Variants in MYH14 observed in about 807,000 individuals in gnomAD.
The protein encoded by MYH14 is myosin heavy chain 14, also known as myosin-14.
MYH14 carries 123 observed loss-of-function variants against 255.5 expected under a neutral mutation model. That is an observed-to-expected ratio of 0.48 (90% CI 0.42 to 0.56). MYH14 has a LOEUF of 0.56. Among genes scored for constraint, MYH14 ranks in the 20% least tolerant of loss-of-function variants. MYH14 has a pLI of 0.00. For missense variants in MYH14, 2,423 were observed against 2,802.3 expected, an observed-to-expected ratio of 0.86 and a Z score of 3.06; for synonymous variants, 1,095 against 1,161.2, an observed-to-expected ratio of 0.94 and a Z score of 1.16.
chr19:50,301,027 T>A (rs1198023648), intron 39 of MYH14, among the ~76,000 whole-genome samples: 1 of 152,034 alleles, frequency 6.6e-6, no homozygotes, highest in Non-Finnish European at 1.5e-5. Context: ...AAATAAAGTA[T>A]GAATCAGACT....
chr19:50,306,175 G>C (rs538912637), intron 40 of MYH14, among the ~76,000 whole-genome samples: 2 of 152,306 alleles, frequency 1.3e-5, no homozygotes, highest in South Asian at 4.1e-4. Context: ...CTGCTCGGGA[G>C]GCTGAGGCAG....
intron 10 of MYH14, among the ~76,000 whole-genome samples, chr19:50,242,551 T>C (rs2033932147): frequency 6.6e-6 from 1 of 152,118 alleles, no homozygotes. Flanking sequence ...TTCAGTTACC[T>C]CCCACTGGGT....
At chr19:50,239,341 G>A (rs1292313794) in intron 10 of MYH14, among the ~76,000 whole-genome samples, 4 of 151,834 alleles carry the variant, frequency 2.6e-5, no homozygotes, top group Non-Finnish European at 5.9e-5. Context: ...TTTTTTCCTG[G>A]TCATCCATCT....
chr19:50,281,851 C>T lies in MYH14; in HGVS notation c.4539+9C>T, dbSNP rs1355874079. 1.2e-6 allele frequency: 2 copies of T among 1,605,848 alleles called. No homozygotes were observed. The highest frequency in any genetic ancestry group is 3.3e-5 in the Admixed American group (2 of 59,772). ...AGCGCAAGTTTGACCAGGTGGGGCA[C>T]CTCAGTTCACCCAGCCGGGGAATCA... On this transcript the variant is annotated intron_variant, in intron 33 of 42. Transcript: ENST00000642316.
At chr19:50,214,074 C>T (rs930147019) in intron 2 of MYH14, among the ~76,000 whole-genome samples, 1 of 152,186 alleles carries the variant, frequency 6.6e-6, no homozygotes, top group African/African-American at 2.4e-5. Context: ...ATCCTCTTGC[C>T]TGGGCCTCTC....
Position 50,257,456 on chromosome 19 carries a change from C to G in MYH14, c.2202C>G (p.Val734=). Residue 734 remains valine (V), a synonymous_variant, in exon 18 of 43, where the codon GTC becomes GTG. Coordinates refer to ENST00000642316, the MANE Select transcript of MYH14 (RefSeq NM_001145809.2). ...ATLSNTNPSF[V]RCIVPNHEKR... is the part of the protein sequence containing the mutation. ...TCAGCAACACCAACCCCAGTTTTGTCCGCTGCATTGTCCCCAACCACGAGA... is the reference window on the plus strand; with the variant it reads ...TCAGCAACACCAACCCCAGTTTTGTGCGCTGCATTGTCCCCAACCACGAGA... 1 of 1,607,248 alleles carries G rather than the reference C, an allele frequency of 6.2e-7. No homozygotes were observed. The highest frequency in any genetic ancestry group is 1.7e-4 in the Middle Eastern group (1 of 6,052).
intron 1 of MYH14, among the ~76,000 whole-genome samples, chr19:50,209,110 G>T (rs567865991): frequency 1.7e-3 from 258 of 152,182 alleles, no homozygotes; most frequent in Non-Finnish European, 2.4e-3. Context: ...GTGAGCCGTG[G>T]TTGTACCACT....
chr19:50,259,080 C>G, intron 18 of MYH14, 64 bp from the exon 19 acceptor site: 1 of 1,519,250 alleles, frequency 6.6e-7, no homozygotes, highest in Non-Finnish European at 8.8e-7. Flanking sequence ...AATTGCCAAG[C>G]TTGACCGTTT....
chr19:50,279,011 C>G (rs543924414), intron 30 of MYH14, among the ~76,000 whole-genome samples: 50 of 152,112 alleles, frequency 3.3e-4, no homozygotes, highest in African/African-American at 1.1e-3. Context: ...TAATAATTCA[C>G]TCATTTAAGA....
chr19:50,307,015 C>T, intron 40 of MYH14, 34 bp from the exon 41 acceptor site: 2 of 1,473,974 alleles, frequency 1.4e-6, no homozygotes, highest in Non-Finnish European at 9.3e-7. Flanking sequence ...GGTTGAGCCC[C>T]TCTACTGAGA....
intron 13 of MYH14, chr19:50,249,447 C>T: frequency 1.5e-6 from 1 of 646,272 alleles, no homozygotes; most frequent in Admixed American, 2.9e-5. Flanking sequence ...GCCTCTCTGT[C>T]TCTGGGTCTC....
rs997504430 is a variant in MYH14, at chr19:50,221,621, G to C, written c.563-1462G>C. ...CCTCCTGAGTAGCTGGGGATTATAGGTGGCGCCACCATGCCTGGCTAATTT... is the reference window on the plus strand; with the variant it reads ...CCTCCTGAGTAGCTGGGGATTATAGCTGGCGCCACCATGCCTGGCTAATTT... On this transcript the variant is annotated intron_variant, in intron 3 of 42. Coordinates refer to ENST00000642316, the MANE Select transcript of MYH14 (RefSeq NM_001145809.2). The surrounding 1 kb of genome is among the most constrained non-coding windows in gnomAD (Gnocchi z 5.3). Among the ~76,000 whole-genome samples the C allele has an allele frequency of 6.6e-6, 1 of 152,042 alleles. No homozygotes were observed. Among genetic ancestry groups the C allele is most frequent in the African/African-American group, 2.4e-5 (1 of 41,408 alleles).
intron 39 of MYH14, among the ~76,000 whole-genome samples, chr19:50,301,294 T>C (rs73588205): frequency 0.024 from 3,680 of 152,258 alleles, 158 homozygotes; most frequent in African/African-American, 0.083. Context: ...TGCATTTTTT[T>C]CCCAAGCTCC....
chr19:50,242,529 C>T (rs2033930904), intron 10 of MYH14, among the ~76,000 whole-genome samples: 1 of 152,140 alleles, frequency 6.6e-6, no homozygotes, highest in Non-Finnish European at 1.5e-5. Context: ...ATGGGGGAAA[C>T]AGCCCCCAAG....
intron 39 of MYH14, among the ~76,000 whole-genome samples, chr19:50,296,012 G>C (rs185838798): frequency 6.6e-6 from 1 of 151,480 alleles, no homozygotes; most frequent in Admixed American, 6.6e-5. Context: ...CGGGAGGCTG[G>C]GGCAGAGAAT....
intron 34 of MYH14, 48 bp from the exon 35 acceptor site, chr19:50,289,388 T>C (rs1228845055): frequency 6.7e-7 from 1 of 1,502,152 alleles, no homozygotes; most frequent in Non-Finnish European, 9.1e-7. Context: ...GCTCCTAACC[T>C]CCTCTGCCTC....
At chr19:50,220,391 ATTT>A (rs2032757537) in intron 3 of MYH14, among the ~76,000 whole-genome samples, 3 of 147,774 alleles carry the variant, frequency 2.0e-5, no homozygotes. Context: ...CTTCATTTTT[ATTT>A]TATTATACTT....
intron 29 of MYH14, among the ~76,000 whole-genome samples, chr19:50,277,750 T>C (rs2035561156): frequency 6.6e-6 from 1 of 151,726 alleles, no homozygotes. Flanking sequence ...ATCCCATCTC[T>C]ACTAAAAACA....
chr19:50,224,430 G>A (rs2032999220), intron 6 of MYH14, among the ~76,000 whole-genome samples: 1 of 152,164 alleles, frequency 6.6e-6, no homozygotes, highest in Non-Finnish European at 1.5e-5. Context: ...GTCCAGCCAG[G>A]GCCCACAGAT....
Sources: gnomAD v4.1 joint callset for allele counts (sites outside exome capture counted in the v4.1 genomes callset) on GRCh38, gnomAD v4.1.1 for gene constraint, Gnocchi (gnomAD v3.1) non-coding constraint, MANE v1.5 for transcripts, NCBI Gene and HGNC (gene_info 2026-07-23, HGNC 2026-07-21) for gene names.